OR5P2: variants seen among roughly 807,000 people sequenced by gnomAD.
OR5P2 encodes olfactory receptor 5P2.
For missense variants in OR5P2, 455 were observed against 382.3 expected, an observed-to-expected ratio of 1.19 and a Z score of -1.59; for synonymous variants, 165 against 145.6, an observed-to-expected ratio of 1.13 and a Z score of -0.96.
Position 7,796,469 on chromosome 11 carries a change from G to T in OR5P2, c.474C>A (p.Ser158=). The stretch of plus-strand genomic sequence containing the variant: ...GTCCACAGAAGAGTAAAAAATAGAA[G>T]GAAGTAGTATAGGAGACAGCAATGA... The part of the protein sequence containing the change: ...GFLIAVSYTT[S]FYFLLFCGPN... The change falls in exon 1 of 1, where the codon TCC becomes TCA. Residue 158 remains serine (S), a synonymous_variant. Transcript: ENST00000329434. The T allele has an allele frequency of 1.9e-6, 3 of 1,605,070 alleles. No homozygotes were observed. The highest frequency in any genetic ancestry group is 2.5e-6 in the Non-Finnish European group (3 of 1,178,560).
Position 7,796,691 on chromosome 11 carries a change from C to G in OR5P2, c.252G>C (p.Glu84Asp). The G allele has an allele frequency of 6.2e-7, 1 of 1,605,594 alleles. No homozygotes were observed. The highest frequency in any genetic ancestry group is 8.5e-7 in the Non-Finnish European group (1 of 1,178,784). ...TPNMLVNFLV[E>D]RNTVSYLGCA... ...ATCCAAGGTAGGAGACTGTATTTCT[C>G]TCCACCAGGAAGTTTACAAGCATGT... Residue 84 changes from glutamate to aspartate, a missense_variant, in exon 1 of 1, where the codon GAG (glutamate) becomes GAC (aspartate). Transcript: ENST00000329434.
In OR5P2 at chr11:7,796,619, G is replaced by C. The variant is rs190297076; in HGVS notation, c.324C>G (p.Cys108Trp). 1.9e-6 allele frequency: 3 copies of C among 1,605,054 alleles called. 1 individual carries two copies. In the African/African-American group the frequency reaches 4.3e-5, roughly 23 times the overall value. ...GSAAFFATVE[C>W]VLLAAMAYDR... ...CATAGGCCATGGCAGCCAGAAGGACGCATTCGACTGTTGCAAAGAAAGCCG... is the reference window on the plus strand; with the variant it reads ...CATAGGCCATGGCAGCCAGAAGGACCCATTCGACTGTTGCAAAGAAAGCCG... The change falls in exon 1 of 1, where the codon TGC becomes TGG. Residue 108 changes from cysteine (C) to tryptophan (W), a missense_variant. Physicochemically the swap from Cys to Trp is radical, Grantham distance 215. Coordinates refer to ENST00000329434, the MANE Select transcript of OR5P2 (RefSeq NM_153444.1).
In OR5P2 at chr11:7,796,609, C is replaced by A. The variant is rs1308771075; in HGVS notation, c.334G>T (p.Ala112Ser). ...ACAAAGCGGTCATAGGCCATGGCAG[C>A]CAGAAGGACGCATTCGACTGTTGCA... ...FFATVECVLL[A>S]AMAYDRFVAI... Residue 112 changes from alanine (A) to serine (S), a missense_variant, in exon 1 of 1, where the codon GCT (alanine) becomes TCT (serine). Coordinates refer to ENST00000329434, the MANE Select transcript of OR5P2 (RefSeq NM_153444.1). 12 of 1,605,324 alleles carry A rather than the reference C, an allele frequency of 7.5e-6. No homozygotes were observed. Among genetic ancestry groups the A allele is most frequent in the African/African-American group, 1.4e-5 (1 of 69,370 alleles).
rs760544079 is a variant in OR5P2, at chr11:7,796,070, C to T, written c.873G>A (p.Lys291=). ...LNPLIYSLRN[K]EIKGALKREL... ...CTCTCTTCAGAGCCCCCTTAATCTC[C>T]TTGTTCCTGAGGCTGTAGATCAGGG... Residue 291 remains lysine (K), a synonymous_variant, in exon 1 of 1, where the codon AAG becomes AAA. Coordinates refer to ENST00000329434, the MANE Select transcript of OR5P2 (RefSeq NM_153444.1). 7.5e-6 allele frequency: 12 copies of T among 1,605,188 alleles called. No individual in the cohort carries two copies. The East Asian group carries it at 1.1e-4, about 15-fold the overall frequency.
rs1468454876 is a variant in OR5P2 at position 7,796,834 on chromosome 11, C to G, written c.109G>C (p.Gly37Arg). The G allele has an allele frequency of 2.6e-6, 4 of 1,516,190 alleles. 1 individual carries two copies. In the African/African-American group the frequency reaches 7.9e-5, roughly 30 times the overall value. The allele number at this position is 1,516,190 out of a possible 1,614,324, so 93.9% of individuals were successfully genotyped here. A position where few individuals can be genotyped will look rare whatever the true frequency, so the allele number is the denominator to read the frequency against. ...RVILFMIILS[G>R]NLSIIILIRI... The stretch of plus-strand genomic sequence containing the variant: ...ATAAGAATAATTATGCTGAGATTAC[C>G]AGATAGGATGATCATGAAGAGGATG... The change falls in exon 1 of 1, where the codon GGT becomes CGT. Residue 37 changes from glycine to arginine, a missense_variant. By Grantham distance (125) the Gly-to-Arg change is moderately radical. Transcript: ENST00000329434.
In OR5P2 at chr11:7,796,555, T is replaced by C. The variant is rs1419001100; in HGVS notation, c.388A>G (p.Thr130Ala). 4 of 1,605,594 alleles carry C rather than the reference T, an allele frequency of 2.5e-6. 1 individual carries two copies. The African/African-American group carries it at 5.7e-5, about 23-fold the overall frequency. The change falls in exon 1 of 1, where the codon ACC becomes GCC. Residue 130 changes from threonine (T) to alanine (A), a missense_variant. Coordinates refer to ENST00000329434, the MANE Select transcript of OR5P2 (RefSeq NM_153444.1). ...VAICSPLLYS[T>A]KMSTQVSVQL... ...ACACTGACTTGTGTGGACATTTTGG[T>C]TGAATAAAGCAGTGGACTGCAAATT...
Position 7,796,707 on chromosome 11 carries a change from A to C in OR5P2, c.236T>G (p.Val79Gly), listed in dbSNP as rs1375474995. 4 of 1,605,726 alleles carry C rather than the reference A, an allele frequency of 2.5e-6. No homozygotes were observed. The highest frequency in any genetic ancestry group is 3.4e-6 in the Non-Finnish European group (4 of 1,178,776). ...TGTATTTCTCTCCACCAGGAAGTTT[A>C]CAAGCATGTTGGGTGTGACAGAAGA... ...YSSSVTPNMLVNFLVERNTVS... is the reference protein window; with the variant it reads ...YSSSVTPNMLGNFLVERNTVS... The change falls in exon 1 of 1, where the codon GTA becomes GGA. Residue 79 changes from valine (V) to glycine (G), a missense_variant. Val to Gly is a moderately radical substitution (Grantham distance 109, BLOSUM62 -3). Transcript: ENST00000329434.
Position 7,796,587 on chromosome 11 carries a change from A to C in OR5P2, c.356T>G (p.Phe119Cys). The part of the protein sequence containing the change: ...VLLAAMAYDR[F>C]VAICSPLLYS... ...AAGCAGTGGACTGCAAATTGCCACAAAGCGGTCATAGGCCATGGCAGCCAG... is the reference window on the plus strand; with the variant it reads ...AAGCAGTGGACTGCAAATTGCCACACAGCGGTCATAGGCCATGGCAGCCAG... The change falls in exon 1 of 1, where the codon TTT becomes TGT. Residue 119 changes from phenylalanine (F) to cysteine (C), a missense_variant. By Grantham distance (205) the Phe-to-Cys change is radical. Transcript: ENST00000329434. 6.2e-7 allele frequency: 1 copy of C among 1,605,664 alleles called. No homozygotes were observed. The highest frequency in any genetic ancestry group is 8.5e-7 in the Non-Finnish European group (1 of 1,178,808).
rs1345610853 is a variant in OR5P2 at position 7,796,784 on chromosome 11, A to C, written c.159T>G (p.His53Gln). The stretch of plus-strand genomic sequence containing the variant: ...AGTGGCTCAGAAAGAAATACATAGG[A>C]TGATGGAGCTGAGAAGAAATTCTGA... ...ILIRISSQLH[H>Q]PMYFFLSHLA... The change falls in exon 1 of 1, where the codon CAT (histidine) becomes CAG (glutamine). Residue 53 changes from histidine (H) to glutamine (Q), a missense_variant. By Grantham distance (24) the His-to-Gln change is conservative. Transcript: ENST00000329434. The C allele has an allele frequency of 2.5e-6, 4 of 1,600,768 alleles. No individual in the cohort carries two copies. The Admixed American group carries it at 5.0e-5, about 20-fold the overall frequency.
Position 7,796,088 on chromosome 11 carries a change from G to C in OR5P2, c.855C>G (p.Ile285Met), listed in dbSNP as rs950807655. The C allele has an allele frequency of 6.2e-7, 1 of 1,605,202 alleles. No homozygotes were observed. Among genetic ancestry groups the C allele is most frequent in the Non-Finnish European group, 8.5e-7 (1 of 1,178,732 alleles). Residue 285 changes from isoleucine (I) to methionine (M), a missense_variant, in exon 1 of 1, where the codon ATC becomes ATG. Ile to Met is a conservative substitution (Grantham distance 10). Transcript: ENST00000329434. ...TAATCTCCTTGTTCCTGAGGCTGTA[G>C]ATCAGGGGGTTCAACATGGGAATCA... Reference protein sequence around the residue: ...TVVIPMLNPLIYSLRNKEIKG... With the variant: ...TVVIPMLNPLMYSLRNKEIKG...
chr11:7,796,123 A>G lies in OR5P2; in HGVS notation c.820T>C (p.Tyr274His), dbSNP rs778613186. ...TTCAACATGGGAATCACCACTGTGT[A>G]CAACACAGACACCACCTTGTTCTGG... is the stretch of plus-strand genomic sequence containing the variant. Reference protein sequence around the residue: ...TDQNKVVSVLYTVVIPMLNPL... With the variant: ...TDQNKVVSVLHTVVIPMLNPL... The change falls in exon 1 of 1, where the codon TAC (tyrosine) becomes CAC (histidine). Residue 274 changes from tyrosine (Y) to histidine (H), a missense_variant. Coordinates refer to ENST00000329434, the MANE Select transcript of OR5P2 (RefSeq NM_153444.1). 7 of 1,605,312 alleles carry G rather than the reference A, an allele frequency of 4.4e-6. No individual in the cohort carries two copies. The highest frequency in any genetic ancestry group is 5.1e-6 in the Non-Finnish European group (6 of 1,178,692).
chr11:7,796,851 A>T lies in OR5P2; in HGVS notation c.92T>A (p.Phe31Tyr), dbSNP rs754312804. The change falls in exon 1 of 1, where the codon TTC becomes TAC. Residue 31 changes from phenylalanine (F) to tyrosine (Y), a missense_variant. Coordinates refer to ENST00000329434, the MANE Select transcript of OR5P2 (RefSeq NM_153444.1). ...TDDPILRVILFMIILSGNLSI... is the reference protein window; with the variant it reads ...TDDPILRVILYMIILSGNLSI... ...GAGATTACCAGATAGGATGATCATG[A>T]AGAGGATGACTCGAAGGATTGGATC... The T allele has an allele frequency of 2.9e-5, 31 of 1,056,990 alleles. No individual in the cohort carries two copies. Among genetic ancestry groups the T allele is most frequent in the Non-Finnish European group, 4.1e-5 (31 of 753,426 alleles). 65.5% of individuals were successfully genotyped at this position (1,056,990 alleles called of 1,614,324 possible).
chr11:7,796,311 G>T lies in OR5P2; in HGVS notation c.632C>A (p.Ala211Asp). Residue 211 changes from alanine (A) to aspartate (D), a missense_variant, in exon 1 of 1, where the codon GCC becomes GAC. Ala to Asp is a moderately radical substitution (Grantham distance 126, BLOSUM62 -2). Coordinates refer to ENST00000329434, the MANE Select transcript of OR5P2 (RefSeq NM_153444.1). ...GATGAGGATATAGATGTAGCAGACG[G>T]CTATGACACACACAGTGACCACAAT... ...SIIVVTVCVI[A>D]VCYIYILITI... The T allele has an allele frequency of 6.2e-7, 1 of 1,604,914 alleles. No homozygotes were observed. Among genetic ancestry groups the T allele is most frequent in the Non-Finnish European group, 8.5e-7 (1 of 1,178,460 alleles).
rs1236028899 is a variant in OR5P2, at chr11:7,796,468, A to G, written c.475T>C (p.Phe159Leu). 6.2e-7 allele frequency: 1 copy of G among 1,605,212 alleles called. No homozygotes were observed. Among genetic ancestry groups the G allele is most frequent in the Non-Finnish European group, 8.5e-7 (1 of 1,178,574 alleles). ...FLIAVSYTTS[F>L]YFLLFCGPNQ... is the part of the protein sequence containing the mutation. ...GGTCCACAGAAGAGTAAAAAATAGA[A>G]GGAAGTAGTATAGGAGACAGCAATG... Residue 159 changes from phenylalanine to leucine, a missense_variant, in exon 1 of 1, where the codon TTC becomes CTC. Physicochemically the swap from Phe to Leu is conservative, Grantham distance 22. Coordinates refer to ENST00000329434, the MANE Select transcript of OR5P2 (RefSeq NM_153444.1).
Position 7,795,993 on chromosome 11 carries a change from G to C in OR5P2, c.950C>G (p.Ser317Ter), listed in dbSNP as rs756334986. ...SHDACYFSRT[S>*]NNDIT ...AGGGTTCTATGTAATATCATTATTT[G>C]AAGTTCTACTAAAATAACAAGCATC... The change falls in exon 1 of 1, where the codon TCA (serine) becomes TGA (stop). Residue 317 changes from serine (S) to a stop codon, truncating the protein, a stop_gained. Transcript: ENST00000329434. LOFTEE classifies it low-confidence loss of function (END_TRUNC). 3 of 1,577,906 alleles carry C rather than the reference G, an allele frequency of 1.9e-6. No homozygotes were observed. Among genetic ancestry groups the C allele is most frequent in the Non-Finnish European group, 2.6e-6 (3 of 1,157,106 alleles).
rs1432202209 is a variant in OR5P2 at position 7,796,383 on chromosome 11, TCAGAA to T, written c.555_559del (p.Cys185Ter). ...GAGAACAACTGTGGAGACACTGATATCAGAACAGGAGAGTTCAAGTAAGGGAGCGA... is the reference window on the plus strand; with the variant it reads ...GAGAACAACTGTGGAGACACTGATATCAGGAGAGTTCAAGTAAGGGAGCGA... On this transcript the variant is annotated stop_gained and frameshift_variant, in exon 1 of 1. Transcript: ENST00000329434. LOFTEE classifies it high-confidence loss of function. The T allele has an allele frequency of 6.2e-7, 1 of 1,604,674 alleles. No individual in the cohort carries two copies. The highest frequency in any genetic ancestry group is 8.5e-7 in the Non-Finnish European group (1 of 1,178,400).
At position 7,796,864 on chromosome 11, in the gene OR5P2, G is replaced by A. The variant is rs747889508; in HGVS notation, c.79C>T (p.Arg27Ter). 2.0e-5 allele frequency: 26 copies of A among 1,275,240 alleles called. 1 individual carries two copies. The Middle Eastern group carries it at 2.3e-3, about 111-fold the overall frequency. 79.0% of individuals were successfully genotyped at this position (1,275,240 alleles called of 1,614,324 possible). A position where few individuals can be genotyped will look rare whatever the true frequency, so the allele number is the denominator to read the frequency against. The change falls in exon 1 of 1, where the codon CGA (arginine) becomes TGA (stop). Residue 27 changes from arginine (R) to a stop codon, truncating the protein, a stop_gained. Transcript: ENST00000329434. LOFTEE classifies it low-confidence loss of function (END_TRUNC). ...AGGATGATCATGAAGAGGATGACTC[G>A]AAGGATTGGATCATCTGTTAAGCCC... ...LLGLTDDPILRVILFMIILSG... is the reference protein window; with the variant it reads ...LLGLTDDPIL
Position 7,796,472 on chromosome 11 carries a change from A to G in OR5P2, c.471T>C (p.Thr157=). ...AGFLIAVSYT[T]SFYFLLFCGP... The stretch of plus-strand genomic sequence containing the variant: ...CACAGAAGAGTAAAAAATAGAAGGA[A>G]GTAGTATAGGAGACAGCAATGAGAA... The change falls in exon 1 of 1, where the codon ACT becomes ACC. Residue 157 remains threonine, a synonymous_variant. Transcript: ENST00000329434. 6.2e-7 allele frequency: 1 copy of G among 1,605,166 alleles called. No individual in the cohort carries two copies. The highest frequency in any genetic ancestry group is 8.5e-7 in the Non-Finnish European group (1 of 1,178,562).
Position 7,796,417 on chromosome 11 carries a change from C to A in OR5P2, c.526G>T (p.Asp176Tyr). Residue 176 changes from aspartate to tyrosine, a missense_variant, in exon 1 of 1, where the codon GAT (aspartate) becomes TAT (tyrosine). Physicochemically the swap from Asp to Tyr is radical, Grantham distance 160. Transcript: ENST00000329434. ...GPNQVNHFFCDFAPLLELSCS... is the reference protein window; with the variant it reads ...GPNQVNHFFCYFAPLLELSCS... ...GAGAGTTCAAGTAAGGGAGCGAAAT[C>A]ACAGAAAAAATGATTGACTTGATTT... 1 of 1,604,018 alleles carries A rather than the reference C, an allele frequency of 6.2e-7. No individual in the cohort carries two copies. The highest frequency in any genetic ancestry group is 1.1e-5 in the South Asian group (1 of 90,252).
Sources: allele counts gnomAD v4.1 joint callset, GRCh38; gene constraint gnomAD v4.1.1; transcripts MANE v1.5; gene names NCBI Gene and HGNC (gene_info 2026-07-23, HGNC 2026-07-21).